The following APBA2 variants were observed in gnomAD, a reference collection of about 807,000 sequenced individuals.
APBA2 encodes amyloid-beta A4 precursor protein-binding family A member 2.
In APBA2, 30 loss-of-function variants were observed where a neutral mutation model predicts 75.0. That is an observed-to-expected ratio of 0.40 (90% CI 0.30 to 0.54). The LOEUF (loss-of-function observed/expected upper bound fraction) is 0.54, where lower values mean the gene tolerates loss of function less well. Among genes scored for constraint, APBA2 ranks in the 20% least tolerant of loss-of-function variants. The pLI is 0.49. For synonymous variants in APBA2, 444 were observed against 409.6 expected (o/e 1.08, Z -1.01); for missense variants, 801 against 1,016.1 (o/e 0.79, Z 2.88).
intron 8 of APBA2, among the ~76,000 whole-genome samples, chr15:29,095,513 C>T (rs1023611083): frequency 7.2e-5 from 11 of 152,254 alleles, no homozygotes; most frequent in Non-Finnish European, 1.6e-4. Flanking sequence ...TTCCAATCCT[C>T]CTCATACAGA....
chr15:28,988,337 C>T (rs2152778914), intron 2 of APBA2, among the ~76,000 whole-genome samples: 1 of 150,530 alleles, frequency 6.6e-6, no homozygotes, highest in Non-Finnish European at 1.5e-5. Context: ...GATCTCGGCT[C>T]ACGGCAAGCT....
chr15:29,076,607 C>G (rs1441821449), intron 6 of APBA2, among the ~76,000 whole-genome samples: 1 of 152,144 alleles, frequency 6.6e-6, no homozygotes, highest in African/African-American at 2.4e-5. Flanking sequence ...TTTGACGGAG[C>G]TGAGCATCTG....
intron 1 of APBA2, among the ~76,000 whole-genome samples, chr15:28,905,353 C>T (rs933700914): frequency 5.9e-5 from 9 of 152,180 alleles, no homozygotes; most frequent in Non-Finnish European, 1.2e-4. Context: ...AGCAAGCTTT[C>T]GGAAGAACGG....
At chr15:28,931,900 T>G (rs1356702977) in intron 2 of APBA2, among the ~76,000 whole-genome samples, 1 of 152,194 alleles carries the variant, frequency 6.6e-6, no homozygotes, top group East Asian at 1.9e-4. Flanking sequence ...TGCACAGACG[T>G]TCAAGTGGAG....
chr15:28,906,447 G>A (rs1235861146), intron 1 of APBA2, among the ~76,000 whole-genome samples: 1 of 152,152 alleles, frequency 6.6e-6, no homozygotes, highest in African/African-American at 2.4e-5. Flanking sequence ...GCTGACATGT[G>A]GAGTCTCGTA....
At chr15:29,044,167 TC>T (rs1418662163) in intron 3 of APBA2, among the ~76,000 whole-genome samples, 2 of 152,224 alleles carry the variant, frequency 1.3e-5, no homozygotes, top group East Asian at 3.8e-4. Flanking sequence ...TAGCTATTTT[TC>T]ATCTGGTCTG....
chr15:28,990,645 G>T (rs868443586), intron 2 of APBA2: 29 of 152,160 alleles, frequency 1.9e-4, no homozygotes, highest in African/African-American at 7.0e-4. Flanking sequence ...CTTTGGCTTT[G>T]TGAGCCCTGT....
At chr15:28,910,015 T>C (rs2033355318) in intron 1 of APBA2, among the ~76,000 whole-genome samples, 1 of 152,142 alleles carries the variant, frequency 6.6e-6, no homozygotes, top group Non-Finnish European at 1.5e-5. Flanking sequence ...CCAATAAATA[T>C]TATCCGAAGT....
At chr15:29,073,411 C>G (rs759215437) in intron 4 of APBA2, among the ~76,000 whole-genome samples, 1 of 152,206 alleles carries the variant, frequency 6.6e-6, no homozygotes, top group South Asian at 2.1e-4. Flanking sequence ...AGTGCAATGG[C>G]GCCATCTCAG....
intron 4 of APBA2, among the ~76,000 whole-genome samples, chr15:29,058,714 T>C (rs542855466): frequency 5.9e-5 from 9 of 151,942 alleles, no homozygotes; most frequent in Non-Finnish European, 1.2e-4. Flanking sequence ...TGATAGAGTT[T>C]CTAAAATTGT....
chr15:29,088,470 A>C (rs989363096), intron 6 of APBA2, among the ~76,000 whole-genome samples: 3 of 152,158 alleles, frequency 2.0e-5, no homozygotes, highest in African/African-American at 7.2e-5. Flanking sequence ...AGTGAGGGGC[A>C]GGTCTGTCCA....
intron 2 of APBA2, among the ~76,000 whole-genome samples, chr15:28,966,626 A>T (rs1307719264): frequency 1.3e-5 from 2 of 152,136 alleles, no homozygotes; most frequent in African/African-American, 4.8e-5. Flanking sequence ...TTTTAAATCC[A>T]TTCTGCCAAT....
At chr15:28,895,081 CCT>C (rs1300694108) in intron 1 of APBA2, among the ~76,000 whole-genome samples, 1 of 152,174 alleles carries the variant, frequency 6.6e-6, no homozygotes, top group African/African-American at 2.4e-5. Flanking sequence ...TTAACTTGCC[CCT>C]GTTTTTCTAA....
chr15:28,897,319 A>G (rs1445982820), intron 1 of APBA2, among the ~76,000 whole-genome samples: 4 of 152,100 alleles, frequency 2.6e-5, no homozygotes, highest in Admixed American at 2.6e-4. Context: ...GGCTAACATC[A>G]AAAGAGCAGA....
intron 2 of APBA2, among the ~76,000 whole-genome samples, chr15:28,935,169 G>T (rs1298438350): frequency 6.6e-6 from 1 of 152,202 alleles, no homozygotes; most frequent in African/African-American, 2.4e-5. Flanking sequence ...TATGCTGGTT[G>T]ATACTCCCTA....
At chr15:28,940,178 G>A (rs935403832) in intron 2 of APBA2, among the ~76,000 whole-genome samples, 3 of 151,926 alleles carry the variant, frequency 2.0e-5, no homozygotes, top group African/African-American at 4.8e-5. Context: ...TTTCAGTGGC[G>A]AGGAGAAAGG....
At chr15:29,074,578 G>A (rs886135835) in intron 4 of APBA2, among the ~76,000 whole-genome samples, 3 of 152,176 alleles carry the variant, frequency 2.0e-5, no homozygotes, top group African/African-American at 7.2e-5. Context: ...CATTCTGAAG[G>A]TGGATGGTGA....
At chr15:28,998,503 G>A (rs1414860920) in intron 3 of APBA2, among the ~76,000 whole-genome samples, 2 of 152,062 alleles carry the variant, frequency 1.3e-5, no homozygotes, top group African/African-American at 4.8e-5. Context: ...TAAAACCTAA[G>A]ATCCAAAGAA....
intron 13 of APBA2, among the ~76,000 whole-genome samples, chr15:29,109,074 A>G (rs2044593554): frequency 1.3e-5 from 2 of 152,218 alleles, no homozygotes; most frequent in South Asian, 2.1e-4. Context: ...AGTAAAGAAG[A>G]AAAGGGCTGG....
Sources: allele counts gnomAD v4.1 joint callset (sites outside exome capture counted in the v4.1 genomes callset), GRCh38; gene constraint gnomAD v4.1.1; transcripts MANE v1.5; gene names NCBI Gene and HGNC (gene_info 2026-07-23, HGNC 2026-07-21).